Variants in ARHGAP15 observed in about 807,000 individuals in gnomAD.
The protein encoded by ARHGAP15 is Rho GTPase activating protein 15.
A neutral mutation model predicts 63.7 loss-of-function variants in ARHGAP15; 51 were observed. That is an observed-to-expected ratio of 0.80 (90% CI 0.64 to 1.01). The LOEUF (loss-of-function observed/expected upper bound fraction) is 1.01, where lower values mean the gene tolerates loss of function less well. Among genes scored for constraint, ARHGAP15 ranks in the 50% least tolerant of loss-of-function variants. The pLI is 0.00. For synonymous variants in ARHGAP15, 191 were observed against 193.8 expected, an observed-to-expected ratio of 0.99 and a Z score of 0.12; for missense variants, 560 against 564.6, an observed-to-expected ratio of 0.99 and a Z score of 0.08.
chr2:143,302,675 C>T (rs1401238200), intron 6 of ARHGAP15, among the ~76,000 whole-genome samples: 1 of 151,958 alleles, frequency 6.6e-6, no homozygotes, highest in African/African-American at 2.4e-5. Context: ...TCCACCCCCG[C>T]CCATTAGAAA....
Position 143,185,510 on chromosome 2 carries a change from G to C in ARHGAP15, c.166-16624G>C, listed in dbSNP as rs1018120494. Among the ~76,000 whole-genome samples, 6 of 152,116 alleles carry C rather than the reference G, an allele frequency of 3.9e-5. 1 individual carries two copies. Among genetic ancestry groups the C allele is most frequent in the Admixed American group, 3.3e-4 (5 of 15,280 alleles). On this transcript the variant is annotated intron_variant, in intron 2 of 13. Coordinates refer to ENST00000295095, the MANE Select transcript of ARHGAP15 (RefSeq NM_018460.4). ...TAAGATTCTGCAATATCCCCTAGGA[G>C]TGCTACCCCAATCCTATAATTACTG...
intron 6 of ARHGAP15, among the ~76,000 whole-genome samples, chr2:143,303,754 C>T (rs1050474462): frequency 2.6e-5 from 4 of 151,942 alleles, no homozygotes; most frequent in Admixed American, 1.3e-4. Context: ...AGAACTCAAA[C>T]AAATTTACAA....
chr2:143,466,836 A>G (rs567518755), intron 8 of ARHGAP15, among the ~76,000 whole-genome samples: 1 of 152,214 alleles, frequency 6.6e-6, no homozygotes, highest in Non-Finnish European at 1.5e-5. Context: ...CAGGTAGATG[A>G]AACAACACCC....
intron 6 of ARHGAP15, among the ~76,000 whole-genome samples, chr2:143,391,953 C>A (rs367655465): frequency 6.6e-6 from 1 of 152,124 alleles, no homozygotes; most frequent in Non-Finnish European, 1.5e-5. Flanking sequence ...CAAAAAAGAA[C>A]GTATTATTAG....
chr2:143,485,328 C>T (rs1182862300), intron 8 of ARHGAP15, among the ~76,000 whole-genome samples: 1 of 152,028 alleles, frequency 6.6e-6, no homozygotes, highest in Non-Finnish European at 1.5e-5. Context: ...AAGCTGTCTA[C>T]CTTTCTCACA....
intron 12 of ARHGAP15, among the ~76,000 whole-genome samples, chr2:143,666,110 A>G (rs1367382563): frequency 6.6e-6 from 1 of 151,778 alleles, no homozygotes; most frequent in African/African-American, 2.4e-5. Flanking sequence ...CACATCCCCA[A>G]GGCAATCCTA....
chr2:143,591,798 T>G (rs1697332955), intron 11 of ARHGAP15, among the ~76,000 whole-genome samples: 1 of 152,044 alleles, frequency 6.6e-6, no homozygotes, highest in Non-Finnish European at 1.5e-5. Flanking sequence ...TTTTGTATTT[T>G]TAGTAGAGAC....
At chr2:143,318,062 G>A (rs1683806138) in intron 6 of ARHGAP15, among the ~76,000 whole-genome samples, 1 of 151,570 alleles carries the variant, frequency 6.6e-6, no homozygotes, top group Non-Finnish European at 1.5e-5. Context: ...GCAGCGGTGT[G>A]ATCTCAGCTC....
intron 6 of ARHGAP15, among the ~76,000 whole-genome samples, chr2:143,362,565 G>C (rs909391850): frequency 3.9e-5 from 6 of 152,148 alleles, no homozygotes; most frequent in Admixed American, 2.0e-4. Context: ...CTTGACCATA[G>C]ATCTTCAGAC....
At chr2:143,543,675 A>G (rs1695202939) in intron 10 of ARHGAP15, among the ~76,000 whole-genome samples, 1 of 152,030 alleles carries the variant, frequency 6.6e-6, no homozygotes, top group Admixed American at 6.6e-5. Flanking sequence ...GTATGTGTAT[A>G]TATATGCAAA....
chr2:143,302,804 G>C (rs1294821866), intron 6 of ARHGAP15, among the ~76,000 whole-genome samples: 1 of 152,018 alleles, frequency 6.6e-6, no homozygotes, highest in Non-Finnish European at 1.5e-5. Flanking sequence ...AATAAATCAT[G>C]AGCTTGACCA....
intron 12 of ARHGAP15, among the ~76,000 whole-genome samples, chr2:143,672,921 G>A (rs1682601203): frequency 6.6e-6 from 1 of 152,090 alleles, no homozygotes; most frequent in Non-Finnish European, 1.5e-5. Flanking sequence ...CAGAAAGGAA[G>A]TATTTACTTC....
intron 13 of ARHGAP15, among the ~76,000 whole-genome samples, chr2:143,737,717 AC>A (rs1170094429): frequency 6.7e-6 from 1 of 148,218 alleles, no homozygotes; most frequent in Non-Finnish European, 1.5e-5. Context: ...AACTTTTGAA[AC>A]CTATTTATTT....
chr2:143,392,337 C>G (rs1339253251), intron 6 of ARHGAP15, among the ~76,000 whole-genome samples: 1 of 152,130 alleles, frequency 6.6e-6, no homozygotes, highest in East Asian at 1.9e-4. Context: ...AGTCTTTTGT[C>G]ATTTGATCCA....
At chr2:143,435,377 C>A in intron 6 of ARHGAP15, 1 of 1,135,408 alleles carries the variant, frequency 8.8e-7, no homozygotes, top group Non-Finnish European at 1.1e-6. Context: ...CTGACTTAAT[C>A]GTTCTATTAT....
At chr2:143,753,525 A>T (rs1437545658) in intron 13 of ARHGAP15, among the ~76,000 whole-genome samples, 1 of 152,234 alleles carries the variant, frequency 6.6e-6, no homozygotes, top group Non-Finnish European at 1.5e-5. Context: ...CCGTATTTAC[A>T]GGGACATATG....
intron 6 of ARHGAP15, among the ~76,000 whole-genome samples, chr2:143,427,773 C>G (rs1251389172): frequency 6.6e-6 from 1 of 152,042 alleles, no homozygotes; most frequent in Non-Finnish European, 1.5e-5. Context: ...GCCTACTCTA[C>G]TCTTATGAAG....
At chr2:143,584,756 A>G (rs920642163) in intron 11 of ARHGAP15, among the ~76,000 whole-genome samples, 4 of 152,348 alleles carry the variant, frequency 2.6e-5, no homozygotes. Flanking sequence ...AGGTTGGTGC[A>G]AAAATAATTG....
At chr2:143,435,774 C>G (rs775228236) in intron 7 of ARHGAP15, 75 bp downstream of exon 7, 4 of 1,373,906 alleles carry the variant, frequency 2.9e-6, no homozygotes, top group Non-Finnish European at 4.0e-6. Context: ...AGGCATATAA[C>G]ACACACACTC....
Sources: gnomAD v4.1 joint callset for allele counts (sites outside exome capture counted in the v4.1 genomes callset) on GRCh38, gnomAD v4.1.1 for gene constraint, MANE v1.5 for transcripts, NCBI Gene and HGNC (gene_info 2026-07-23, HGNC 2026-07-21) for gene names.